The following ANKHD1 variants were observed in gnomAD, a reference collection of about 807,000 sequenced individuals.
ANKHD1 encodes ankyrin repeat and KH domain-containing protein 1.
ANKHD1 carries 31 observed loss-of-function variants against 230.5 expected under a neutral mutation model. The ratio of observed to expected loss-of-function variants is 0.13; its 90% CI spans 0.10 to 0.18. The LOEUF (loss-of-function observed/expected upper bound fraction) is 0.18, where lower values mean the gene tolerates loss of function less well. ANKHD1 is among the 10% of genes least tolerant of loss of function. The pLI, the probability that ANKHD1 is intolerant of heterozygous loss-of-function variation, is 1.00. For missense variants in ANKHD1, 2,256 were observed against 3,071.3 expected (o/e 0.73, Z 6.27); for synonymous variants, 1,074 against 1,117.6 (o/e 0.96, Z 0.78).
intron 1 of ANKHD1, among the ~76,000 whole-genome samples, chr5:140,424,239 GAGAC>G: frequency 6.6e-6 from 1 of 151,814 alleles, no homozygotes; most frequent in East Asian, 1.9e-4. Flanking sequence ...GAGAGAGAGA[GAGAC>G]AGAGACAGAG....
chr5:140,404,036 T>C (rs1770211732), intron 1 of ANKHD1, among the ~76,000 whole-genome samples: 1 of 152,258 alleles, frequency 6.6e-6, no homozygotes, highest in Non-Finnish European at 1.5e-5. Context: ...GGTAGTCCCT[T>C]GAATGTCTAC....
chr5:140,442,033 CTTTTTTTTTTTT>C (rs901282726), intron 5 of ANKHD1, among the ~76,000 whole-genome samples: 72 of 86,908 alleles, frequency 8.3e-4, no homozygotes, highest in African/African-American at 3.2e-3. Flanking sequence ...ATAAGATATT[CTTTTTTTTTTTT>C]TTTTTTTTTT....
In ANKHD1 at chr5:140,468,052, C is replaced by CTTTTTTTTTTTT. The variant is rs869172143; in HGVS notation, c.1782+3305_1782+3316dup. On this transcript the variant is annotated intron_variant, in intron 10 of 33. Coordinates refer to ENST00000360839, the MANE Select transcript of ANKHD1 (RefSeq NM_017747.3). The stretch of plus-strand genomic sequence containing the variant: ...AGTTTAAGGTTTAAGTGTACTAATT[C>CTTTTTTTTTTTT]TTTTTTTTTTTTTTTTTTTTTTTTT... 1.9e-4 allele frequency among the ~76,000 whole-genome samples: 10 copies of CTTTTTTTTTTTT among 52,412 alleles called. 2 individuals carry two copies. Among genetic ancestry groups the CTTTTTTTTTTTT allele is most frequent in the African/African-American group, 3.5e-4 (4 of 11,272 alleles). 34.4% of individuals were successfully genotyped at this position (52,412 alleles called of 152,430 possible). A position where few individuals can be genotyped will look rare whatever the true frequency, so the allele number is the denominator to read the frequency against.
chr5:140,446,163 T>C (rs571840357), intron 6 of ANKHD1, among the ~76,000 whole-genome samples, 188 bp downstream of exon 6: 1 of 152,280 alleles, frequency 6.6e-6, no homozygotes, highest in Admixed American at 6.5e-5. Context: ...TTCTAGTATA[T>C]GTTTATTATT....
rs777061840 is a variant in ANKHD1, at chr5:140,440,153, G to T, written c.652G>T (p.Val218Phe). ...SLAEACSDGD[V>F]NAVRKLLDEG... ...AGCAGAAGCTTGTTCAGATGGGGAT[G>T]TTAATGCTGTTCGTAAATTGCTAGA... is the stretch of plus-strand genomic sequence containing the variant. Residue 218 changes from valine (V) to phenylalanine (F), a missense_variant, in exon 4 of 34, where the codon GTT (valine) becomes TTT (phenylalanine). Physicochemically the swap from Val to Phe is conservative, Grantham distance 50 (BLOSUM62 -1). Coordinates refer to ENST00000360839, the MANE Select transcript of ANKHD1 (RefSeq NM_017747.3). The T allele has an allele frequency of 6.2e-7, 1 of 1,612,996 alleles. No homozygotes were observed. The highest frequency in any genetic ancestry group is 8.5e-7 in the Non-Finnish European group (1 of 1,179,452).
Position 140,527,722 on chromosome 5 carries a change from C to A in ANKHD1, c.5088-151C>A. The A allele has an allele frequency of 9.6e-7, 1 of 1,043,226 alleles. No individual in the cohort carries two copies. The highest frequency in any genetic ancestry group is 1.3e-6 in the Non-Finnish European group (1 of 779,308). The allele number at this position is 1,043,226 out of a possible 1,614,324, so 64.6% of individuals were successfully genotyped here. A position where few individuals can be genotyped will look rare whatever the true frequency, so the allele number is the denominator to read the frequency against. On this transcript the variant is annotated intron_variant, in intron 27 of 33. Coordinates refer to ENST00000360839, the MANE Select transcript of ANKHD1 (RefSeq NM_017747.3). This position sits in a 1 kb window ranked among gnomAD's most constrained non-coding sequence, Gnocchi z 4.5. ...AATTCAATTCAATATTACAAGAGAT[C>A]AATTTCTAAAATAAAAACTTTTAAT... is the stretch of plus-strand genomic sequence containing the variant.
At chr5:140,432,394 T>A (rs1366196120) in intron 1 of ANKHD1, among the ~76,000 whole-genome samples, 1 of 152,246 alleles carries the variant, frequency 6.6e-6, no homozygotes, top group Non-Finnish European at 1.5e-5. Flanking sequence ...GGTTCATCTA[T>A]ATCATGTATT....
At chr5:140,458,379 C>G (rs1775380340) in intron 7 of ANKHD1, among the ~76,000 whole-genome samples, 1 of 151,990 alleles carries the variant, frequency 6.6e-6, no homozygotes, top group African/African-American at 2.4e-5. Context: ...AAGTCTCATT[C>G]TTTTGGAGAA....
chr5:140,475,403 G>A (rs542784259), intron 10 of ANKHD1, among the ~76,000 whole-genome samples: 30 of 152,254 alleles, frequency 2.0e-4, no homozygotes, highest in African/African-American at 7.0e-4. Flanking sequence ...TACATCAGTA[G>A]ATCTAGTCTA....
intron 15 of ANKHD1, among the ~76,000 whole-genome samples, chr5:140,503,529 A>ATTTCTTTTAACT (rs1752394729): frequency 8.4e-6 from 1 of 118,360 alleles, no homozygotes; most frequent in Non-Finnish European, 1.8e-5. Context: ...AAAATACATA[A>ATTTCTTTTAACT]TTTCTTTTAA....
At chr5:140,456,709 A>G (rs531366577) in intron 7 of ANKHD1, among the ~76,000 whole-genome samples, 16 of 152,280 alleles carry the variant, frequency 1.1e-4, no homozygotes, top group Admixed American at 1.0e-3. Flanking sequence ...AGAAAATTCA[A>G]GATGGATTAA....
chr5:140,529,896 A>G (rs1753738529), intron 29 of ANKHD1, 100 bp downstream of exon 29: 2 of 1,484,018 alleles, frequency 1.3e-6, no homozygotes, highest in East Asian at 2.3e-5. Context: ...TCAGTCACAT[A>G]TAATGAGCTG....
chr5:140,464,966 C>T lies in ANKHD1; in HGVS notation c.1782+190C>T, dbSNP rs1462061154. The T allele has an allele frequency of 4.6e-5, 19 of 412,886 alleles. No individual in the cohort carries two copies. In the East Asian group the frequency reaches 8.7e-4, roughly 19 times the overall value. The allele number at this position is 412,886 out of a possible 1,614,324, so 25.6% of individuals were successfully genotyped here. A position where few individuals can be genotyped will look rare whatever the true frequency, so the allele number is the denominator to read the frequency against. ...AATACTTAGTGTTGAACAGGGCATA[C>T]TGTTTCTTTTCCTAGGTAAAACTAC... On this transcript the variant is annotated intron_variant, in intron 10 of 33. Transcript: ENST00000360839.
intron 10 of ANKHD1, chr5:140,472,176 A>G: frequency 1.4e-6 from 2 of 1,464,386 alleles, no homozygotes; most frequent in Non-Finnish European, 1.9e-6. Flanking sequence ...CAAGGTCTTC[A>G]TGGCCAAATG....
At chr5:140,486,716 C>G in intron 13 of ANKHD1, 1 of 285,534 alleles carries the variant, frequency 3.5e-6, no homozygotes, top group Non-Finnish European at 6.7e-6. Flanking sequence ...TTCTATTCAG[C>G]AAGGGAGTAA....
At chr5:140,421,821 A>G (rs1419872716) in intron 1 of ANKHD1, among the ~76,000 whole-genome samples, 1 of 152,184 alleles carries the variant, frequency 6.6e-6, no homozygotes, top group Non-Finnish European at 1.5e-5. Flanking sequence ...GTTAGCAATG[A>G]AAAGTTTATT....
chr5:140,536,822 G>A (rs1754103377), intron 30 of ANKHD1, among the ~76,000 whole-genome samples: 1 of 152,114 alleles, frequency 6.6e-6, no homozygotes, highest in Non-Finnish European at 1.5e-5. Context: ...TTGGGAGTTT[G>A]AGACCAGCCT....
chr5:140,539,648 C>T lies in ANKHD1; in HGVS notation c.*230C>T. The stretch of plus-strand genomic sequence containing the variant: ...TATGACCTTAGTGCTTTTGGCTAAA[C>T]ATACAGAATACTACTTGTATGCAGA... On this transcript the variant is annotated 3_prime_UTR_variant, in exon 34 of 34. Transcript: ENST00000360839. The T allele has an allele frequency of 2.3e-6, 1 of 442,476 alleles. No homozygotes were observed. 27.4% of individuals were successfully genotyped at this position (442,476 alleles called of 1,614,324 possible).
intron 5 of ANKHD1, 100 bp from the exon 6 acceptor site, chr5:140,445,642 T>G (rs955176693): frequency 5.3e-6 from 6 of 1,122,814 alleles, no homozygotes; most frequent in Middle Eastern, 6.5e-4. Context: ...ATTGTATCTG[T>G]TCTGTCATGA....
Sources: gnomAD v4.1 joint callset for allele counts (sites outside exome capture counted in the v4.1 genomes callset) on GRCh38, gnomAD v4.1.1 for gene constraint, Gnocchi (gnomAD v3.1) non-coding constraint, MANE v1.5 for transcripts, NCBI Gene and HGNC (gene_info 2026-07-23, HGNC 2026-07-21) for gene names.